The following MUC22 variants were observed in gnomAD, a reference collection of about 807,000 sequenced individuals.
MUC22 encodes the protein mucin 22, also known as mucin-22.
In MUC22, 24 loss-of-function variants were observed where a neutral mutation model predicts 40.3. The observed-to-expected ratio is 0.60, with a 90% CI of 0.43 to 0.84. The LOEUF (loss-of-function observed/expected upper bound fraction) is 0.84, where lower values mean the gene tolerates loss of function less well. Among genes scored for constraint, MUC22 ranks in the 40% least tolerant of loss-of-function variants. MUC22 has a pLI of 0.00. For synonymous variants in MUC22, 765 were observed against 844.5 expected, an observed-to-expected ratio of 0.91 and a Z score of 1.63; for missense variants, 1,926 against 2,130.7, an observed-to-expected ratio of 0.90 and a Z score of 1.89.
At chr6:31,025,557 C>G in exon 2 of MUC22, 1 of 1,526,454 alleles carries the variant, frequency 6.6e-7, no homozygotes, top group Non-Finnish European at 8.8e-7. Context: ...CAGCCTCCAT[C>G]ACAGGCTCTG....
intron 1 of MUC22, among the ~76,000 whole-genome samples, chr6:31,013,320 T>A (rs1409281389): frequency 6.6e-6 from 1 of 151,720 alleles, no homozygotes; most frequent in Non-Finnish European, 1.5e-5. Context: ...AGAGACGGGG[T>A]TTCATTGTGT....
rs1766111943 is a variant in MUC22 at position 31,032,211 on chromosome 6, G to C, written c.4685G>C (p.Gly1562Ala). 3.3e-6 allele frequency: 5 copies of C among 1,534,498 alleles called. No homozygotes were observed. The highest frequency in any genetic ancestry group is 4.4e-6 in the Non-Finnish European group (5 of 1,146,358). ...TGTTTCATAGGCACCAGAACCACTGGAACCAGACTCACTGCCTCCAGCTCT... is the reference window on the plus strand; with the variant it reads ...TGTTTCATAGGCACCAGAACCACTGCAACCAGACTCACTGCCTCCAGCTCT... Residue 1562 changes from glycine to alanine, a missense_variant, in exon 3 of 4, where the codon GGA (glycine) becomes GCA (alanine). Gly to Ala is a moderately conservative substitution (Grantham distance 60, BLOSUM62 0). Transcript: ENST00000561890. This position sits in a 1 kb window ranked among gnomAD's most constrained non-coding sequence, Gnocchi z 4.1.
chr6:31,020,732 G>C (rs9262504), intron 1 of MUC22, among the ~76,000 whole-genome samples: 21,915 of 152,118 alleles, frequency 0.14, 1,747 homozygotes, highest in African/African-American at 0.19. Flanking sequence ...GGAGAGGTGC[G>C]AGCGGGAACC....
At chr6:31,028,630 G>A (rs185475021) in exon 2 of MUC22, 8 of 1,534,646 alleles carry the variant, frequency 5.2e-6, no homozygotes, top group South Asian at 4.8e-5. Flanking sequence ...GACCACCATA[G>A]CCTCTACCAC....
At chr6:31,010,218 C>T (rs947441350), upstream of MUC22, among the ~76,000 whole-genome samples, 8 of 152,164 alleles carry the variant, frequency 5.3e-5, no homozygotes, top group African/African-American at 1.9e-4. Flanking sequence ...AGCTCTGGTT[C>T]AAAGGGTGGG....
At chr6:31,020,288 G>A (rs1470958697) in intron 1 of MUC22, among the ~76,000 whole-genome samples, 5 of 151,858 alleles carry the variant, frequency 3.3e-5, no homozygotes, top group Non-Finnish European at 1.5e-5. Flanking sequence ...ATGACAACCA[G>A]AAGATAAAGA....
chr6:31,035,243 G>A, exon 4 of MUC22: 1 of 378,626 alleles, frequency 2.6e-6, no homozygotes, highest in Non-Finnish European at 4.7e-6. Context: ...AGCCTCTGTT[G>A]TGGGGAGTCA....
At chr6:31,027,743 C>T (rs1765560542) in exon 2 of MUC22, 2 of 1,530,176 alleles carry the variant, frequency 1.3e-6, no homozygotes, top group Non-Finnish European at 1.7e-6. Flanking sequence ...GTCTCTGCCA[C>T]AGGCTCTGAG....
chr6:31,035,136 C>T (rs1766362730), exon 4 of MUC22: 6 of 610,186 alleles, frequency 9.8e-6, no homozygotes, highest in African/African-American at 1.9e-5. Flanking sequence ...TGGACATGGA[C>T]TAGGTCAAGA....
chr6:31,019,948 C>T (rs1335918680), intron 1 of MUC22, among the ~76,000 whole-genome samples: 1 of 151,870 alleles, frequency 6.6e-6, no homozygotes, highest in Non-Finnish European at 1.5e-5. Context: ...GGAGTATGGG[C>T]TGAAAATGAA....
intron 2 of MUC22, among the ~76,000 whole-genome samples, chr6:31,031,172 C>T (rs769559080): frequency 1.3e-5 from 2 of 152,222 alleles, no homozygotes; most frequent in African/African-American, 2.4e-5. Context: ...TAGGCACACC[C>T]ATCGCTACCT....
chr6:31,029,447 C>G, exon 2 of MUC22: 1 of 1,534,848 alleles, frequency 6.5e-7, no homozygotes, highest in Non-Finnish European at 8.7e-7. Flanking sequence ...ACCACAGTCT[C>G]CACCTCAGGC....
At chr6:31,028,546 A>C (rs1430936093) in exon 2 of MUC22, 1 of 1,532,606 alleles carries the variant, frequency 6.5e-7, no homozygotes, top group African/African-American at 1.4e-5. Flanking sequence ...TATGGCCTCT[A>C]CCATAGGCTC....
exon 2 of MUC22, chr6:31,028,558 G>A: frequency 1.3e-6 from 2 of 1,533,776 alleles, no homozygotes; most frequent in Non-Finnish European, 1.7e-6. Context: ...CATAGGCTCT[G>A]AGACCACCAA....
intron 1 of MUC22, among the ~76,000 whole-genome samples, chr6:31,020,923 A>C (rs759013622): frequency 6.6e-6 from 1 of 152,328 alleles, no homozygotes; most frequent in African/African-American, 2.4e-5. Flanking sequence ...CTGGCGCTGC[A>C]CTGGATTTCT....
intron 3 of MUC22, among the ~76,000 whole-genome samples, chr6:31,033,053 TACTTTGGAG>T (rs1562626290): frequency 6.6e-6 from 1 of 152,166 alleles, no homozygotes; most frequent in African/African-American, 2.4e-5. Context: ...TAGTCCCAGC[TACTTTGGAG>T]GCTGAGGCAC....
exon 2 of MUC22, chr6:31,028,355 C>T (rs12665700): frequency 0.12 from 182,640 of 1,534,434 alleles, 13,102 homozygotes; most frequent in Admixed American, 0.16. Context: ...TCTGAGATTA[C>T]TACAGCCTCC....
intron 1 of MUC22, among the ~76,000 whole-genome samples, chr6:31,018,385 C>T (rs145247885): frequency 4.7e-4 from 71 of 152,272 alleles, no homozygotes; most frequent in African/African-American, 1.5e-3. Flanking sequence ...TTGCAATTCC[C>T]GAATCTTTCC....
At chr6:31,020,228 TTG>T (rs1198638032) in intron 1 of MUC22, among the ~76,000 whole-genome samples, 1 of 150,420 alleles carries the variant, frequency 6.6e-6, no homozygotes, top group Non-Finnish European at 1.5e-5. Flanking sequence ...AAAAGACACA[TTG>T]TATAGAGAGG....
Sources: gnomAD v4.1 joint callset for allele counts (sites outside exome capture counted in the v4.1 genomes callset) on GRCh38, gnomAD v4.1.1 for gene constraint, Gnocchi (gnomAD v3.1) non-coding constraint, MANE v1.5 for transcripts, NCBI Gene and HGNC (gene_info 2026-07-23, HGNC 2026-07-21) for gene names.